The following IDE variants were observed in gnomAD, a reference collection of about 807,000 sequenced individuals.
IDE encodes insulin degrading enzyme, also known as insulin-degrading enzyme.
A neutral mutation model predicts 133.2 loss-of-function variants in IDE; 58 were observed. The observed-to-expected ratio is 0.44, with a 90% CI of 0.35 to 0.54. The LOEUF is 0.54. IDE is among the 20% of genes least tolerant of loss of function. The pLI is 0.00. For missense variants in IDE, 981 were observed against 1,234.0 expected (o/e 0.79, Z 3.07); for synonymous variants, 396 against 421.3 (o/e 0.94, Z 0.73).
In IDE at chr10:92,453,549, A is replaced by C. The variant is rs1046756350; in HGVS notation, c.*895T>G. ...ACATACTGACTGCAATTTCACTGTA[A>C]TAAAAAGTTATACAGGTGGTTACAA... On this transcript the variant is annotated 3_prime_UTR_variant, in exon 25 of 25. Transcript: ENST00000265986. The C allele has an allele frequency of 1.3e-5, 2 of 152,238 alleles. No homozygotes were observed. Among genetic ancestry groups the C allele is most frequent in the African/African-American group, 4.8e-5 (2 of 41,470 alleles). The allele number at this position is 152,238 out of a possible 1,614,324, so 9.4% of individuals were successfully genotyped here.
At position 92,515,031 on chromosome 10, in the gene IDE, T is replaced by C. The variant is rs961874330; in HGVS notation, c.673A>G (p.Thr225Ala). The C allele has an allele frequency of 6.3e-6, 10 of 1,595,630 alleles. No homozygotes were observed. The African/African-American group carries it at 1.3e-4, about 22-fold the overall frequency. ...TCTTGGTTTGGTCTAGTCTCCAGAG[T>C]ATATTTGTTACCTGGAAGGGAAGAA... The part of the protein sequence containing the change: ...FSKFGTGNKY[T>A]LETRPNQEGI... Residue 225 changes from threonine to alanine, a missense_variant, in exon 5 of 25, where the codon ACT (threonine) becomes GCT (alanine). Around this residue, in one of 2 missense-constraint regions of IDE, gnomAD observed 321 missense variants for 339.3 expected, o/e 0.95. Coordinates refer to ENST00000265986, the MANE Select transcript of IDE (RefSeq NM_004969.4).
At chr10:92,562,614 G>A (rs1045077586) in intron 1 of IDE, among the ~76,000 whole-genome samples, 3 of 152,004 alleles carry the variant, frequency 2.0e-5, no homozygotes, top group African/African-American at 7.3e-5. Context: ...TATCTTCCTG[G>A]AACAGAAGCT....
At chr10:92,469,274 A>G (rs1845843338) in intron 18 of IDE, among the ~76,000 whole-genome samples, 1 of 152,190 alleles carries the variant, frequency 6.6e-6, no homozygotes, top group African/African-American at 2.4e-5. Context: ...CTGACTACAG[A>G]CACCTGGGGT....
chr10:92,463,245 T>C (rs959214741), intron 21 of IDE, among the ~76,000 whole-genome samples: 9 of 152,168 alleles, frequency 5.9e-5, no homozygotes, highest in Non-Finnish European at 1.0e-4. Context: ...AGGAAGCTGA[T>C]TCAAGACAAG....
intron 11 of IDE, 105 bp from the exon 12 acceptor site, chr10:92,490,700 T>C (rs1847293674): frequency 1.4e-6 from 1 of 724,372 alleles, no homozygotes; most frequent in Non-Finnish European, 2.4e-6. Context: ...AAGAATGTGC[T>C]GGGCCTCTTA....
chr10:92,529,573 A>C (rs1314469537), intron 4 of IDE, among the ~76,000 whole-genome samples: 2 of 152,124 alleles, frequency 1.3e-5, no homozygotes, highest in African/African-American at 4.8e-5. Flanking sequence ...CTTCTATAGA[A>C]TATTTTAAGA....
intron 22 of IDE, among the ~76,000 whole-genome samples, chr10:92,458,282 G>A (rs1275163929): frequency 1.3e-5 from 2 of 152,080 alleles, no homozygotes; most frequent in African/African-American, 2.4e-5. Context: ...AATAAATGCA[G>A]GCTAAAGTCT....
intron 20 of IDE, 30 bp from the exon 21 acceptor site, chr10:92,464,033 C>T (rs749201456): frequency 2.1e-5 from 33 of 1,587,008 alleles, no homozygotes; most frequent in Non-Finnish European, 2.5e-5. Context: ...CAGTCATGAC[C>T]GTGGCATTTG....
At chr10:92,573,851 A>C (rs1843921992) in intron 1 of IDE, 71 bp downstream of exon 1, 1 of 1,088,160 alleles carries the variant, frequency 9.2e-7, no homozygotes, top group South Asian at 1.8e-5. Flanking sequence ...CTGAATCACC[A>C]CTTTGCAACC....
At chr10:92,489,274 G>A (rs925239303) in intron 12 of IDE, among the ~76,000 whole-genome samples, 9 of 152,258 alleles carry the variant, frequency 5.9e-5, no homozygotes, top group South Asian at 2.1e-4. Flanking sequence ...ATTCCCAGCC[G>A]GGTGTGGTGG....
chr10:92,502,134 C>G (rs936260283), intron 11 of IDE, among the ~76,000 whole-genome samples: 1 of 151,992 alleles, frequency 6.6e-6, no homozygotes, highest in Non-Finnish European at 1.5e-5. Context: ...AATGCAAGAC[C>G]CTGTCTCTAA....
intron 1 of IDE, among the ~76,000 whole-genome samples, chr10:92,539,977 C>T (rs544811027): frequency 6.6e-6 from 1 of 152,268 alleles, no homozygotes; most frequent in South Asian, 2.1e-4. Context: ...CACAGTGACT[C>T]ACGCCTGTAA....
At chr10:92,531,047 G>C (rs1005892494) in intron 4 of IDE, among the ~76,000 whole-genome samples, 4 of 152,110 alleles carry the variant, frequency 2.6e-5, no homozygotes, top group Admixed American at 6.5e-5. Context: ...ATAGCAATCT[G>C]TTAACAATGA....
At chr10:92,473,318 T>C (rs1475325756) in intron 17 of IDE, among the ~76,000 whole-genome samples, 1 of 151,874 alleles carries the variant, frequency 6.6e-6, no homozygotes, top group Non-Finnish European at 1.5e-5. Context: ...AAGTAAAAAA[T>C]CTAAAACAAT....
At chr10:92,517,365 C>T (rs1268903854) in intron 4 of IDE, among the ~76,000 whole-genome samples, 1 of 152,144 alleles carries the variant, frequency 6.6e-6, no homozygotes, top group Non-Finnish European at 1.5e-5. Flanking sequence ...TAATCATATG[C>T]ATTCATACTC....
intron 4 of IDE, among the ~76,000 whole-genome samples, chr10:92,524,430 ATT>A (rs1269078617): frequency 1.6e-5 from 1 of 64,258 alleles, no homozygotes; most frequent in Non-Finnish European, 2.8e-5. Context: ...TATATAATAT[ATT>A]TTATATAATA....
At chr10:92,491,240 T>TAA (rs879942324) in intron 11 of IDE, among the ~76,000 whole-genome samples, 7 of 139,050 alleles carry the variant, frequency 5.0e-5, no homozygotes, top group African/African-American at 1.8e-4. Flanking sequence ...CTTGTCTCTT[T>TAA]AAAAAAAAAA....
At chr10:92,490,331 A>T (rs766759830) in intron 12 of IDE, among the ~76,000 whole-genome samples, 162 bp downstream of exon 12, 1 of 152,230 alleles carries the variant, frequency 6.6e-6, no homozygotes, top group Non-Finnish European at 1.5e-5. Flanking sequence ...TGAAAAGGCT[A>T]AACTCCAGCT....
intron 4 of IDE, among the ~76,000 whole-genome samples, chr10:92,515,300 C>T (rs1434799626): frequency 6.8e-6 from 1 of 148,112 alleles, no homozygotes; most frequent in Non-Finnish European, 1.5e-5. Flanking sequence ...TGCTCTGTTG[C>T]CCAGGCTGGA....
Sources: allele counts gnomAD v4.1 joint callset (sites outside exome capture counted in the v4.1 genomes callset), GRCh38; gene constraint gnomAD v4.1.1; regional missense constraint gnomAD v4.1.1; transcripts MANE v1.5; gene names NCBI Gene and HGNC (gene_info 2026-07-23, HGNC 2026-07-21).